Variants in OPCML observed in about 807,000 individuals in gnomAD.
OPCML encodes opioid binding protein/cell adhesion molecule like, also known as opioid-binding protein/cell adhesion molecule.
In OPCML, 13 loss-of-function variants were observed where a neutral mutation model predicts 37.8. The ratio of observed to expected loss-of-function variants is 0.34; its 90% confidence interval spans 0.22 to 0.55. OPCML has a LOEUF of 0.55. OPCML is among the 20% of genes least tolerant of loss of function. OPCML has a pLI of 0.91. For synonymous variants in OPCML, 176 were observed against 168.8 expected (o/e 1.04, Z -0.33); for missense variants, 341 against 435.6 (o/e 0.78, Z 1.93).
rs548195766 is a variant in OPCML at position 132,551,005 on chromosome 11, T to C, written c.380-21819A>G. Among the ~76,000 whole-genome samples, 3 of 152,338 alleles carry C rather than the reference T, an allele frequency of 2.0e-5. No individual in the cohort carries two copies. In the South Asian group the frequency reaches 6.2e-4, roughly 32 times the overall value. ...TGAATCTGGCTCATTTACAAATCAG[T>C]AAAGCACCACTGAATTTCCATGTTT... On this transcript the variant is annotated intron_variant, in intron 3 of 7. Coordinates refer to ENST00000524381, the MANE Select transcript of OPCML (RefSeq NM_001012393.5).
intron 1 of OPCML, among the ~76,000 whole-genome samples, chr11:133,472,369 G>T (rs775860878): frequency 6.6e-6 from 1 of 152,110 alleles, no homozygotes; most frequent in Non-Finnish European, 1.5e-5. Flanking sequence ...CTGCTTACAT[G>T]GTCCCAGTCA....
At chr11:132,872,808 C>T (rs1942860989) in intron 2 of OPCML, among the ~76,000 whole-genome samples, 1 of 152,108 alleles carries the variant, frequency 6.6e-6, no homozygotes, top group Non-Finnish European at 1.5e-5. Flanking sequence ...TGCTACCATC[C>T]TCCATGCCTT....
At chr11:132,553,369 C>T (rs79639207) in intron 3 of OPCML, among the ~76,000 whole-genome samples, 10,849 of 152,172 alleles carry the variant, frequency 0.071, 769 homozygotes, top group African/African-American at 0.17. Flanking sequence ...CTGGAGACAG[C>T]CATTTACTCC....
At chr11:133,035,916 A>G (rs1315276526) in intron 1 of OPCML, among the ~76,000 whole-genome samples, 3 of 82,730 alleles carry the variant, frequency 3.6e-5, no homozygotes, top group African/African-American at 6.6e-5. Context: ...AGCCAAAAAG[A>G]GAGGCCTCGG....
At chr11:133,456,594 C>A (rs1394764853) in intron 1 of OPCML, among the ~76,000 whole-genome samples, 1 of 151,832 alleles carries the variant, frequency 6.6e-6, no homozygotes, top group Non-Finnish European at 1.5e-5. Flanking sequence ...ATCAGACTGT[C>A]CAGGAAAAGA....
chr11:133,013,656 C>G lies in OPCML; in HGVS notation c.62-70646G>C, dbSNP rs571395836. Among the ~76,000 whole-genome samples, 9 of 152,280 alleles carry G rather than the reference C, an allele frequency of 5.9e-5. No homozygotes were observed. The East Asian group carries it at 1.7e-3, about 29-fold the overall frequency. On this transcript the variant is annotated intron_variant, in intron 1 of 7. Coordinates refer to ENST00000524381, the MANE Select transcript of OPCML (RefSeq NM_001012393.5). The stretch of plus-strand genomic sequence containing the variant: ...TGCCACTTATTCTACCGCCTCATAA[C>G]GCCACACTCAACAGTGTATAGTCAG...
chr11:133,380,559 A>G (rs1944908644), intron 1 of OPCML, among the ~76,000 whole-genome samples: 1 of 152,230 alleles, frequency 6.6e-6, no homozygotes, highest in African/African-American at 2.4e-5. Context: ...TTTGGTAACT[A>G]CATATTGCAT....
chr11:132,900,043 C>G (rs947621947), intron 2 of OPCML, among the ~76,000 whole-genome samples: 1 of 152,050 alleles, frequency 6.6e-6, no homozygotes, highest in African/African-American at 2.4e-5. Flanking sequence ...TCAGGTGAGC[C>G]AATTCCCTTA....
chr11:132,513,943 G>T lies in OPCML; in HGVS notation c.505+15118C>A, dbSNP rs920230805. On this transcript the variant is annotated intron_variant, in intron 4 of 7. Coordinates refer to ENST00000524381, the MANE Select transcript of OPCML (RefSeq NM_001012393.5). ...CTGTTTCAAACACAGTACATAACAC[G>T]TAGAAGGCACCCACTAATTCATTCT... 5.3e-5 allele frequency among the ~76,000 whole-genome samples: 8 copies of T among 152,104 alleles called. No homozygotes were observed. The South Asian group carries it at 1.7e-3, about 31-fold the overall frequency.
At chr11:132,605,333 G>A in intron 3 of OPCML, among the ~76,000 whole-genome samples, 1 of 151,882 alleles carries the variant, frequency 6.6e-6, no homozygotes, top group East Asian at 1.9e-4. Context: ...CGAGGTGGGT[G>A]GATCATGAGG....
intron 1 of OPCML, among the ~76,000 whole-genome samples, chr11:133,480,348 A>G (rs1424951577): frequency 1.3e-5 from 2 of 152,138 alleles, no homozygotes; most frequent in Non-Finnish European, 2.9e-5. Context: ...TGTTCATGTA[A>G]CCTGGAGTGG....
At chr11:132,713,058 T>G (rs953003289) in intron 2 of OPCML, among the ~76,000 whole-genome samples, 2 of 152,058 alleles carry the variant, frequency 1.3e-5, no homozygotes, top group Non-Finnish European at 2.9e-5. Flanking sequence ...CCCTCATAGA[T>G]CCCTATCCCC....
chr11:133,395,562 T>C (rs1287784888), intron 1 of OPCML, among the ~76,000 whole-genome samples: 1 of 152,168 alleles, frequency 6.6e-6, no homozygotes, highest in Non-Finnish European at 1.5e-5. Flanking sequence ...CTATTTTGAT[T>C]CTTGTATATG....
At chr11:133,452,791 C>G (rs1384663766) in intron 1 of OPCML, among the ~76,000 whole-genome samples, 1 of 151,712 alleles carries the variant, frequency 6.6e-6, no homozygotes, top group Non-Finnish European at 1.5e-5. Context: ...GAGGCTGGAT[C>G]TAAATCAGCT....
At chr11:132,828,247 G>A (rs566251977) in intron 2 of OPCML, among the ~76,000 whole-genome samples, 66 of 152,116 alleles carry the variant, frequency 4.3e-4, no homozygotes, top group Non-Finnish European at 8.1e-4. Flanking sequence ...GGGCAGGAAG[G>A]GATGAGCGCG....
chr11:133,453,806 C>T (rs1946624765), intron 1 of OPCML, among the ~76,000 whole-genome samples: 1 of 152,174 alleles, frequency 6.6e-6, no homozygotes. Flanking sequence ...GGGGATGTAT[C>T]TTACAGATGG....
intron 4 of OPCML, among the ~76,000 whole-genome samples, chr11:132,514,482 C>G (rs567862929): frequency 3.3e-5 from 5 of 152,100 alleles, no homozygotes; most frequent in Non-Finnish European, 7.4e-5. Flanking sequence ...ACAGTCAAGC[C>G]CTATGCTTCA....
intron 3 of OPCML, among the ~76,000 whole-genome samples, chr11:132,609,148 T>G (rs1038400554): frequency 6.6e-6 from 1 of 152,056 alleles, no homozygotes; most frequent in African/African-American, 2.4e-5. Context: ...GCAGAATCAA[T>G]GCCAAACCCT....
chr11:133,333,522 C>T (rs916449105), intron 1 of OPCML, among the ~76,000 whole-genome samples: 5 of 152,130 alleles, frequency 3.3e-5, no homozygotes, highest in African/African-American at 7.2e-5. Flanking sequence ...TACATGTAAA[C>T]CCAAAACTAT....
Sources: gnomAD v4.1 joint callset for allele counts (sites outside exome capture counted in the v4.1 genomes callset) on GRCh38, gnomAD v4.1.1 for gene constraint, MANE v1.5 for transcripts, NCBI Gene and HGNC (gene_info 2026-07-23, HGNC 2026-07-21) for gene names.